The following GLIS3 variants were observed in gnomAD, a reference collection of about 807,000 sequenced individuals.
The protein encoded by GLIS3 is GLIS family zinc finger 3, also known as zinc finger protein GLIS3.
In GLIS3, 53 loss-of-function variants were observed where a neutral mutation model predicts 78.6. The observed-to-expected ratio is 0.67, with a 90% CI of 0.54 to 0.85. The LOEUF (loss-of-function observed/expected upper bound fraction) is 0.85. Among genes scored for constraint, GLIS3 ranks in the 40% least tolerant of loss-of-function variants. GLIS3 has a pLI of 0.00. For missense variants in GLIS3, 1,703 were observed against 1,231.1 expected (o/e 1.38, Z -5.74); for synonymous variants, 684 against 509.9 (o/e 1.34, Z -4.60).
At chr9:3,900,009 T>G (rs891879735) in intron 6 of GLIS3, among the ~76,000 whole-genome samples, 1 of 152,018 alleles carries the variant, frequency 6.6e-6, no homozygotes, top group Non-Finnish European at 1.5e-5. Flanking sequence ...GAATAAGCCG[T>G]ACAGACCTAT....
intron 6 of GLIS3, among the ~76,000 whole-genome samples, chr9:3,920,164 C>G (rs944776119): frequency 5.3e-5 from 8 of 151,946 alleles, no homozygotes; most frequent in African/African-American, 1.9e-4. Context: ...CCACCACACC[C>G]GGCTAATTTT....
chr9:4,294,608 C>A (rs757168487), intron 1 of GLIS3, among the ~76,000 whole-genome samples: 1 of 152,134 alleles, frequency 6.6e-6, no homozygotes, highest in Non-Finnish European at 1.5e-5. Flanking sequence ...TTATTTTACT[C>A]TACACACCTC....
the GLIS3 span, among the ~76,000 whole-genome samples, chr9:4,450,394 G>A: frequency 6.6e-6 from 1 of 152,136 alleles, no homozygotes; most frequent in African/African-American, 2.4e-5. Flanking sequence ...AAAGTGATGG[G>A]GAGAATGGAA....
the GLIS3 span, among the ~76,000 whole-genome samples, chr9:4,372,010 G>T: frequency 6.6e-6 from 1 of 152,150 alleles, no homozygotes; most frequent in Non-Finnish European, 1.5e-5. Context: ...CAGCCTCCAT[G>T]AATAGGTCTG....
the GLIS3 span, among the ~76,000 whole-genome samples, chr9:4,432,638 CTTTTTTTT>C: frequency 2.6e-5 from 3 of 113,536 alleles, no homozygotes; most frequent in Admixed American, 9.6e-5. Context: ...TTTTTATTTC[CTTTTTTTT>C]TTTTTTTTTT....
chr9:4,424,604 T>C, the GLIS3 span, among the ~76,000 whole-genome samples: 1 of 152,168 alleles, frequency 6.6e-6, no homozygotes, highest in East Asian at 1.9e-4. Context: ...CGCTCTGTCA[T>C]CCAGGCTGGA....
At chr9:4,029,381 A>T (rs1352575209) in intron 4 of GLIS3, among the ~76,000 whole-genome samples, 1 of 152,138 alleles carries the variant, frequency 6.6e-6, no homozygotes, top group East Asian at 1.9e-4. Flanking sequence ...GCGTTGATAC[A>T]GGGATGTAAT....
At chr9:4,304,748 T>C (rs1306444270), upstream of GLIS3, among the ~76,000 whole-genome samples, 1 of 152,124 alleles carries the variant, frequency 6.6e-6, no homozygotes, top group African/African-American at 2.4e-5. Flanking sequence ...TCAGTGGCTT[T>C]TCAGACTCCT....
intron 6 of GLIS3, among the ~76,000 whole-genome samples, chr9:3,911,020 T>C (rs1265674127): frequency 3.3e-5 from 5 of 152,170 alleles, no homozygotes; most frequent in Admixed American, 6.5e-5. Context: ...AGAACAAACA[T>C]ATCCCTTATT....
chr9:4,093,355 T>C (rs781762886), intron 4 of GLIS3, among the ~76,000 whole-genome samples: 5 of 151,896 alleles, frequency 3.3e-5, no homozygotes, highest in Admixed American at 6.6e-5. Flanking sequence ...TTGCACTGAG[T>C]AAGGCCCCCT....
At chr9:4,214,013 G>T (rs923893699) in intron 2 of GLIS3, among the ~76,000 whole-genome samples, 1 of 151,596 alleles carries the variant, frequency 6.6e-6, no homozygotes, top group Non-Finnish European at 1.5e-5. Flanking sequence ...AAATAAGTAA[G>T]GCAAGGTTAA....
intron 2 of GLIS3, among the ~76,000 whole-genome samples, chr9:4,138,300 G>T (rs368906163): frequency 2.0e-5 from 3 of 152,304 alleles, no homozygotes; most frequent in Non-Finnish European, 1.5e-5. Context: ...ACATTTACTG[G>T]GTGTTAGGCT....
intron 4 of GLIS3, among the ~76,000 whole-genome samples, chr9:4,059,829 T>TGTGTGTGTGTGTGTGTGTGTGAGAGAGA: frequency 6.0e-4 from 60 of 100,670 alleles, no homozygotes; most frequent in East Asian, 2.0e-3. Context: ...TGTGTGTGTG[T>TGTGTGTGTGTGTGTGTGTGTGAGAGAGA]GAGAGAGAGA....
chr9:4,094,790 G>A (rs1379698618), intron 4 of GLIS3, among the ~76,000 whole-genome samples: 1 of 152,184 alleles, frequency 6.6e-6, no homozygotes, highest in East Asian at 1.9e-4. Flanking sequence ...TTATTTTAAT[G>A]TAGCCACTTG....
At chr9:3,989,928 G>C (rs1820084778) in intron 4 of GLIS3, among the ~76,000 whole-genome samples, 1 of 152,126 alleles carries the variant, frequency 6.6e-6, no homozygotes, top group Non-Finnish European at 1.5e-5. Flanking sequence ...TTTGTATCAA[G>C]TTCAATATTC....
chr9:4,484,117 A>T, the GLIS3 span, among the ~76,000 whole-genome samples: 2,386 of 152,350 alleles, frequency 0.016, 27 homozygotes, highest in Non-Finnish European at 0.024. Flanking sequence ...TGGCCCGCTG[A>T]AATTGCCTTT....
chr9:4,178,874 T>A (rs573118745), intron 2 of GLIS3, among the ~76,000 whole-genome samples: 4 of 152,318 alleles, frequency 2.6e-5, no homozygotes, highest in African/African-American at 7.2e-5. Context: ...CATTAGTTAT[T>A]TAAATATTAA....
chr9:4,126,074 G>A, intron 2 of GLIS3, 133 bp from the exon 3 acceptor site: 2 of 699,490 alleles, frequency 2.9e-6, no homozygotes, highest in Non-Finnish European at 5.0e-6. Context: ...TAGTATTGGT[G>A]ATAGCAAAAG....
At chr9:4,229,413 G>A (rs745403286) in intron 2 of GLIS3, among the ~76,000 whole-genome samples, 1 of 152,216 alleles carries the variant, frequency 6.6e-6, no homozygotes, top group Non-Finnish European at 1.5e-5. Context: ...TGGTTAGCAT[G>A]ACCAGAGTTC....
Sources: gnomAD v4.1 joint callset for allele counts (sites outside exome capture counted in the v4.1 genomes callset) on GRCh38, gnomAD v4.1.1 for gene constraint, MANE v1.5 for transcripts, NCBI Gene and HGNC (gene_info 2026-07-23, HGNC 2026-07-21) for gene names.